CABCOCO1: variants seen among roughly 807,000 people sequenced by gnomAD.
CABCOCO1 encodes the protein ciliary-associated calcium-binding coiled-coil protein 1.
A neutral mutation model predicts 35.7 loss-of-function variants in CABCOCO1; 28 were observed. That is an observed-to-expected ratio of 0.78 (90% CI 0.58 to 1.07). CABCOCO1 has a LOEUF of 1.07. CABCOCO1 is among the 50% of genes least tolerant of loss of function. The pLI is 0.00. For missense variants in CABCOCO1, 326 were observed against 309.2 expected (o/e 1.05, Z -0.41); for synonymous variants, 95 against 100.1 (o/e 0.95, Z 0.30).
intron 1 of CABCOCO1, among the ~76,000 whole-genome samples, chr10:61,672,215 A>T (rs74857697): frequency 0.013 from 2,022 of 152,240 alleles, 22 homozygotes; most frequent in Non-Finnish European, 0.02. Context: ...TTTAGACTGA[A>T]TGCCGCATGT....
At chr10:61,757,503 C>T (rs978425752) in intron 5 of CABCOCO1, among the ~76,000 whole-genome samples, 2 of 151,954 alleles carry the variant, frequency 1.3e-5, no homozygotes, top group Non-Finnish European at 2.9e-5. Context: ...GAAATTCTCA[C>T]CCCCCAGTTT....
At chr10:61,670,831 G>A (rs1218820425) in intron 1 of CABCOCO1, among the ~76,000 whole-genome samples, 1 of 152,152 alleles carries the variant, frequency 6.6e-6, no homozygotes, top group African/African-American at 2.4e-5. Context: ...GCTTTGAGCA[G>A]TCTCACCCAT....
chr10:61,689,162 G>C (rs1418097589), intron 4 of CABCOCO1, among the ~76,000 whole-genome samples: 4 of 152,134 alleles, frequency 2.6e-5, no homozygotes, highest in Non-Finnish European at 5.9e-5. Context: ...CTGAGAGGAA[G>C]CCAAGCTGTT....
intron 5 of CABCOCO1, among the ~76,000 whole-genome samples, chr10:61,759,713 T>G (rs574600719): frequency 6.6e-6 from 1 of 152,076 alleles, no homozygotes; most frequent in East Asian, 1.9e-4. Flanking sequence ...CTAGAGAAGA[T>G]ACACAGAGCA....
chr10:61,697,444 A>AAT (rs1204771319), intron 5 of CABCOCO1, among the ~76,000 whole-genome samples: 1 of 152,108 alleles, frequency 6.6e-6, no homozygotes, highest in Non-Finnish European at 1.5e-5. Context: ...GAAGTAGAAC[A>AAT]ATATGAATAG....
intron 5 of CABCOCO1, among the ~76,000 whole-genome samples, chr10:61,714,143 A>C (rs1010995692): frequency 1.1e-4 from 17 of 152,012 alleles, no homozygotes; most frequent in Non-Finnish European, 2.4e-4. Flanking sequence ...CTTGTCCTGG[A>C]CTTTTTTTGG....
At chr10:61,753,530 G>A (rs916099729) in intron 5 of CABCOCO1, among the ~76,000 whole-genome samples, 1 of 152,114 alleles carries the variant, frequency 6.6e-6, no homozygotes, top group Non-Finnish European at 1.5e-5. Flanking sequence ...AGTTTGCCCT[G>A]TAAGCCCTGA....
At chr10:61,680,567 TA>T (rs67190907) in intron 2 of CABCOCO1, among the ~76,000 whole-genome samples, 1,910 of 20,362 alleles carry the variant, frequency 0.094, 3 homozygotes, top group African/African-American at 0.19. Context: ...TATATATTTG[TA>T]TATATTATGT....
intron 5 of CABCOCO1, among the ~76,000 whole-genome samples, chr10:61,722,076 T>C (rs965100389): frequency 2.0e-5 from 3 of 152,172 alleles, no homozygotes; most frequent in African/African-American, 7.2e-5. Context: ...TGAGTCTCTT[T>C]GTCTACTTGT....
At chr10:61,710,257 T>A (rs1036735861) in intron 5 of CABCOCO1, among the ~76,000 whole-genome samples, 5 of 1,254 alleles carry the variant, frequency 4.0e-3, no homozygotes, top group African/African-American at 0.018. Flanking sequence ...TGTGTGAGTG[T>A]GTGTGTGTGT....
chr10:61,663,045 T>C lies in CABCOCO1; in HGVS notation c.60+13T>C, dbSNP rs1013810482. On this transcript the variant is annotated intron_variant, in intron 1 of 7. Transcript: ENST00000648843. ...GCCCGAATCGGAGGTACACCGCCCC[T>C]TTCCCTTCCCGGTACCGGTGCCGGT... 1.2e-4 allele frequency: 30 copies of C among 250,874 alleles called. No individual in the cohort carries two copies. The highest frequency in any genetic ancestry group is 2.2e-4 in the Non-Finnish European group (24 of 110,776). 15.5% of individuals were successfully genotyped at this position (250,874 alleles called of 1,614,324 possible). A position where few individuals can be genotyped will look rare whatever the true frequency, so the allele number is the denominator to read the frequency against.
chr10:61,729,664 C>T (rs920817681), intron 5 of CABCOCO1, among the ~76,000 whole-genome samples: 5 of 152,134 alleles, frequency 3.3e-5, no homozygotes, highest in Admixed American at 3.3e-4. Context: ...TTTTAGCACT[C>T]CTGTGTTCAC....
chr10:61,729,817 G>A (rs1841258235), intron 5 of CABCOCO1, among the ~76,000 whole-genome samples: 1 of 152,090 alleles, frequency 6.6e-6, no homozygotes, highest in Admixed American at 6.6e-5. Flanking sequence ...TGGACAGCAT[G>A]GATAAACCTT....
intron 1 of CABCOCO1, among the ~76,000 whole-genome samples, chr10:61,663,656 G>A (rs1011731549): frequency 2.6e-5 from 4 of 152,072 alleles, no homozygotes; most frequent in African/African-American, 9.7e-5. Context: ...CTTGACTTTA[G>A]GAAAGTTATT....
At chr10:61,704,629 G>A (rs554499554) in intron 5 of CABCOCO1, among the ~76,000 whole-genome samples, 33 of 152,240 alleles carry the variant, frequency 2.2e-4, no homozygotes, top group Admixed American at 6.5e-4. Context: ...GCTAAACTGC[G>A]CTCAGATCCC....
rs182228993 is a variant in CABCOCO1, at chr10:61,741,918, A to G, written c.553-18141A>G. ...TGGATTCACTTCTGTACCTAATTTT[A>G]TGTACTGATTTAGCTTCAGGCTTCA... is the stretch of plus-strand genomic sequence containing the variant. On this transcript the variant is annotated intron_variant, in intron 5 of 7. Transcript: ENST00000648843. 3.3e-5 allele frequency among the ~76,000 whole-genome samples: 5 copies of G among 152,240 alleles called. No individual in the cohort carries two copies. The East Asian group carries it at 9.7e-4, about 29-fold the overall frequency.
intron 5 of CABCOCO1, among the ~76,000 whole-genome samples, chr10:61,717,935 G>A (rs1167542054): frequency 6.6e-6 from 1 of 152,158 alleles, no homozygotes; most frequent in South Asian, 2.1e-4. Flanking sequence ...GGGAAGAGAC[G>A]ACTCATCTTG....
intron 4 of CABCOCO1, 114 bp from the exon 5 acceptor site, chr10:61,690,435 G>A (rs1342851985): frequency 1.8e-5 from 11 of 624,500 alleles, no homozygotes; most frequent in Non-Finnish European, 2.8e-5. Flanking sequence ...CTGTTTTAGT[G>A]TCTGATAGCA....
At chr10:61,739,536 A>G (rs1841497408) in intron 5 of CABCOCO1, among the ~76,000 whole-genome samples, 1 of 150,712 alleles carries the variant, frequency 6.6e-6, no homozygotes, top group Admixed American at 6.7e-5. Flanking sequence ...GCAATGTTAT[A>G]ACAACATTTT....
Sources: allele counts gnomAD v4.1 joint callset (sites outside exome capture counted in the v4.1 genomes callset), GRCh38; gene constraint gnomAD v4.1.1; transcripts MANE v1.5; gene names NCBI Gene and HGNC (gene_info 2026-07-23, HGNC 2026-07-21).